CPNE4: variants seen among roughly 807,000 people sequenced by gnomAD.
CPNE4 encodes copine-4.
CPNE4 carries 25 observed loss-of-function variants against 67.9 expected under a neutral mutation model. The observed-to-expected ratio is 0.37, with a 90% CI of 0.27 to 0.51. The LOEUF (loss-of-function observed/expected upper bound fraction) is 0.51, where lower values mean the gene tolerates loss of function less well. Ranked by LOEUF, CPNE4 falls within the 20% of genes least tolerant of loss-of-function variation. The probability of loss-of-function intolerance (pLI) is 0.93; values close to 1 mark genes in which losing one functional copy is unlikely to be tolerated. For missense variants in CPNE4, 464 were observed against 690.8 expected (o/e 0.67, Z 3.68); for synonymous variants, 242 against 244.9 (o/e 0.99, Z 0.11).
chr3:131,909,537 G>C (rs575972382), intron 1 of CPNE4, among the ~76,000 whole-genome samples: 1 of 152,124 alleles, frequency 6.6e-6, no homozygotes, highest in Non-Finnish European at 1.5e-5. Flanking sequence ...ATGATATTTA[G>C]TTTTAACTAT....
intron 1 of CPNE4, among the ~76,000 whole-genome samples, chr3:131,976,084 T>TTG (rs1339038445): frequency 6.7e-6 from 1 of 150,226 alleles, no homozygotes; most frequent in Non-Finnish European, 1.5e-5. Context: ...ATTGTTGGTT[T>TTG]TTTTTTTTTT....
chr3:132,014,595 C>T (rs907821374), intron 1 of CPNE4, among the ~76,000 whole-genome samples: 1 of 152,108 alleles, frequency 6.6e-6, no homozygotes, highest in Non-Finnish European at 1.5e-5. Context: ...ATTCTATACA[C>T]TATTTTAATC....
At chr3:131,827,062 A>C (rs1458083395) in intron 2 of CPNE4, among the ~76,000 whole-genome samples, 1 of 152,076 alleles carries the variant, frequency 6.6e-6, no homozygotes, top group Non-Finnish European at 1.5e-5. Context: ...ACAAAAAAAA[A>C]CAAAACAAAA....
chr3:131,542,889 C>T, intron 14 of CPNE4, 96 bp from the exon 15 acceptor site: 1 of 794,988 alleles, frequency 1.3e-6, no homozygotes, highest in South Asian at 1.6e-5. Context: ...GGCCTCACTG[C>T]ACATTGACCA....
In CPNE4 at chr3:131,587,497, A is replaced by G; in HGVS notation, c.767T>C (p.Met256Thr). The G allele has an allele frequency of 6.2e-7, 1 of 1,613,598 alleles. No individual in the cohort carries two copies. Among genetic ancestry groups the G allele is most frequent in the South Asian group, 1.1e-5 (1 of 91,056 alleles). ...TSTFKEMRGA[M>T]EGKQVQWECI... ...TTGACCATGTACCTGTTTCCCTTCC[A>G]TTGCTCCTCTCATCTCCTTGAATGT... Residue 256 changes from methionine to threonine, a missense_variant, in exon 8 of 16, where the codon ATG (methionine) becomes ACG (threonine). Physicochemically the swap from Met to Thr is moderately conservative, Grantham distance 81. Coordinates refer to ENST00000429747, the MANE Select transcript of CPNE4 (RefSeq NM_130808.3).
chr3:131,985,571 CAGGT>C (rs2073022167), intron 1 of CPNE4, among the ~76,000 whole-genome samples: 1 of 152,164 alleles, frequency 6.6e-6, no homozygotes, highest in Admixed American at 6.5e-5. Context: ...GATTCAAAAA[CAGGT>C]TTATCTGACT....
chr3:131,972,324 C>T (rs780128720), intron 1 of CPNE4, among the ~76,000 whole-genome samples: 2 of 152,066 alleles, frequency 1.3e-5, no homozygotes, highest in African/African-American at 2.4e-5. Flanking sequence ...CGATGAATTC[C>T]TCAAGTTCAG....
At chr3:131,610,701 C>A (rs1226048147) in intron 7 of CPNE4, among the ~76,000 whole-genome samples, 1 of 152,164 alleles carries the variant, frequency 6.6e-6, no homozygotes, top group African/African-American at 2.4e-5. Flanking sequence ...ACTCTCCTAT[C>A]CGTTATTTCT....
intron 1 of CPNE4, among the ~76,000 whole-genome samples, chr3:131,909,859 T>C (rs780748128): frequency 6.6e-6 from 1 of 150,882 alleles, no homozygotes; most frequent in Non-Finnish European, 1.5e-5. Flanking sequence ...TTTAAGTAAT[T>C]TATAAAAGAA....
At chr3:131,664,845 A>G (rs2080218437) in intron 7 of CPNE4, among the ~76,000 whole-genome samples, 1 of 152,178 alleles carries the variant, frequency 6.6e-6, no homozygotes. Context: ...ATCCTAGAAT[A>G]TGGCATGTCT....
chr3:131,906,218 GTTGTT>G (rs752424318), intron 1 of CPNE4, among the ~76,000 whole-genome samples: 327 of 130,706 alleles, frequency 2.5e-3, no homozygotes, highest in Admixed American at 4.6e-3. Context: ...TTTTGTTGTT[GTTGTT>G]TTGTTTTGTT....
chr3:131,772,523 C>A (rs953029526), intron 2 of CPNE4, among the ~76,000 whole-genome samples: 2 of 152,052 alleles, frequency 1.3e-5, no homozygotes, highest in African/African-American at 4.8e-5. Context: ...TGCATCTCCT[C>A]GAGCTGACTT....
In CPNE4 at chr3:131,700,063, T is replaced by C; in HGVS notation, c.361-83A>G. 3 of 748,914 alleles carry C rather than the reference T, an allele frequency of 4.0e-6. No homozygotes were observed. In the East Asian group the frequency reaches 9.2e-5, roughly 23 times the overall value. 46.4% of individuals were successfully genotyped at this position (748,914 alleles called of 1,614,324 possible). On this transcript the variant is annotated intron_variant, in intron 3 of 15. Transcript: ENST00000429747. ...GATCTATTTTTTAAACCTTTTTTTT[T>C]TTTTTTTTTTTTTTACAAAACTCTG...
intron 1 of CPNE4, among the ~76,000 whole-genome samples, chr3:132,001,867 T>C (rs2073460145): frequency 6.6e-6 from 1 of 152,148 alleles, no homozygotes; most frequent in Admixed American, 6.6e-5. Flanking sequence ...GTGTAATAAA[T>C]CATTTGACAT....
chr3:131,975,193 T>C (rs2072614240), intron 1 of CPNE4, among the ~76,000 whole-genome samples: 1 of 152,144 alleles, frequency 6.6e-6, no homozygotes, highest in Non-Finnish European at 1.5e-5. Context: ...TTAACTAGGT[T>C]CTGGGGCTTT....
chr3:131,716,994 C>A lies in CPNE4; in HGVS notation c.360+6452G>T, dbSNP rs145238964. Among the ~76,000 whole-genome samples, 11 of 152,334 alleles carry A rather than the reference C, an allele frequency of 7.2e-5. No individual in the cohort carries two copies. The East Asian group carries it at 2.1e-3, about 29-fold the overall frequency. On this transcript the variant is annotated intron_variant, in intron 3 of 15. Transcript: ENST00000429747. ...CCATTCCTTGCCTATCTAGGCAGAA[C>A]ACAGGAAGAAGGACCTTCTTTTTAC...
chr3:131,952,799 A>AG (rs1030922826), intron 1 of CPNE4, among the ~76,000 whole-genome samples: 1 of 151,874 alleles, frequency 6.6e-6, no homozygotes, highest in Non-Finnish European at 1.5e-5. Flanking sequence ...TGGAATAGAA[A>AG]GGGGGGAAAG....
rs149894337 is a variant in CPNE4, at chr3:131,632,680, A to G, written c.681+36995T>C. Among the ~76,000 whole-genome samples the G allele has an allele frequency of 2.2e-3, 336 of 152,224 alleles. 1 individual carries two copies. Among genetic ancestry groups the G allele is most frequent in the African/African-American group, 7.6e-3 (316 of 41,530 alleles). On this transcript the variant is annotated intron_variant, in intron 7 of 15. Transcript: ENST00000429747. ...TAGACACACACCTTAGAATTATCTGATAGATACTTCTCATCTCTTTGAACT... is the reference window on the plus strand; with the variant it reads ...TAGACACACACCTTAGAATTATCTGGTAGATACTTCTCATCTCTTTGAACT...
intron 1 of CPNE4, among the ~76,000 whole-genome samples, chr3:131,947,664 C>G (rs1248880956): frequency 6.6e-6 from 1 of 152,124 alleles, no homozygotes; most frequent in Admixed American, 6.5e-5. Flanking sequence ...GATTCCAAGT[C>G]TTTGCTATTG....
Sources: gnomAD v4.1 joint callset for allele counts (sites outside exome capture counted in the v4.1 genomes callset) on GRCh38, gnomAD v4.1.1 for gene constraint, MANE v1.5 for transcripts, NCBI Gene and HGNC (gene_info 2026-07-23, HGNC 2026-07-21) for gene names.